Variants in NFXL1 observed in about 807,000 individuals in gnomAD.
The protein encoded by NFXL1 is NF-X1-type zinc finger protein NFXL1.
In NFXL1, 66 loss-of-function variants were observed where a neutral mutation model predicts 123.3. The ratio of observed to expected loss-of-function variants is 0.54; its 90% CI spans 0.44 to 0.66. The LOEUF (loss-of-function observed/expected upper bound fraction) is 0.66. Among genes scored for constraint, NFXL1 ranks in the 30% least tolerant of loss-of-function variants. NFXL1 has a pLI of 0.00. For synonymous variants in NFXL1, 346 were observed against 360.8 expected (o/e 0.96, Z 0.46); for missense variants, 944 against 1,125.6 (o/e 0.84, Z 2.31).
chr4:47,854,226 A>C (rs1243566954), intron 20 of NFXL1, among the ~76,000 whole-genome samples: 3 of 152,094 alleles, frequency 2.0e-5, no homozygotes, highest in Non-Finnish European at 4.4e-5. Context: ...TCCTCAATAC[A>C]TATCCATCAC....
In NFXL1 at chr4:47,874,466, T is replaced by A. The variant is rs368630904; in HGVS notation, c.2246+661A>T. On this transcript the variant is annotated intron_variant, in intron 18 of 22. Coordinates refer to ENST00000507489, the MANE Select transcript of NFXL1 (RefSeq NM_001278624.2). ...AGAGGTAGAGAGATAGGGGAACTGCTAGTGATGCAGTTCAATCACACACAA... is the reference window on the plus strand; with the variant it reads ...AGAGGTAGAGAGATAGGGGAACTGCAAGTGATGCAGTTCAATCACACACAA... Among the ~76,000 whole-genome samples the A allele has an allele frequency of 7.9e-5, 12 of 152,298 alleles. No individual in the cohort carries two copies. In the East Asian group the frequency reaches 2.1e-3, roughly 27 times the overall value.
In NFXL1 at chr4:47,896,579, C is replaced by T. The variant is rs778334116; in HGVS notation, c.1273G>A (p.Gly425Arg). Residue 425 changes from glycine to arginine, a missense_variant, in exon 10 of 23, where the codon GGA (glycine) becomes AGA (arginine). Physicochemically the swap from Gly to Arg is moderately radical, Grantham distance 125. Coordinates refer to ENST00000507489, the MANE Select transcript of NFXL1 (RefSeq NM_001278624.2). ...CAACGCTGTGAACATCTATGGATTC[C>T]GCATTCAAGTACTTTGTCACAACTG... ...GDSCDKVLEC[G>R]IHRCSQRCHR... The T allele has an allele frequency of 4.3e-6, 7 of 1,612,666 alleles. No individual in the cohort carries two copies. The highest frequency in any genetic ancestry group is 3.3e-5 in the South Asian group (3 of 91,044).
intron 15 of NFXL1, 41 bp from the exon 16 acceptor site, chr4:47,879,158 T>C: frequency 1.1e-6 from 1 of 892,642 alleles, no homozygotes; most frequent in Non-Finnish European, 1.7e-6. Context: ...CATTACAAAT[T>C]ATTCAAAAAT....
At position 47,914,583 on chromosome 4, in the gene NFXL1, T is replaced by G; in HGVS notation, c.-221A>C. 5.2e-6 allele frequency: 1 copy of G among 193,154 alleles called. No individual in the cohort carries two copies. The highest frequency in any genetic ancestry group is 6.0e-5 in the Admixed American group (1 of 16,654). 12.0% of individuals were successfully genotyped at this position (193,154 alleles called of 1,614,324 possible). A position where few individuals can be genotyped will look rare whatever the true frequency, so the allele number is the denominator to read the frequency against. ...TCCCGCCGGGAACCAACTGCAGTGG[T>G]ACACCCCACGGAAAGCTACGTCTCC... On this transcript the variant is annotated 5_prime_UTR_variant, in exon 1 of 23. Transcript: ENST00000507489.
At chr4:47,852,673 T>C (rs1408178133) in intron 20 of NFXL1, among the ~76,000 whole-genome samples, 4 of 152,096 alleles carry the variant, frequency 2.6e-5, no homozygotes, top group Non-Finnish European at 5.9e-5. Flanking sequence ...TATGACCAAT[T>C]TCTGTACTAC....
intron 15 of NFXL1, among the ~76,000 whole-genome samples, chr4:47,879,582 G>T (rs1039433591): frequency 6.6e-6 from 1 of 152,040 alleles, no homozygotes; most frequent in Non-Finnish European, 1.5e-5. Context: ...TGATTCTAAA[G>T]TCTATATAGA....
intron 15 of NFXL1, among the ~76,000 whole-genome samples, chr4:47,881,756 T>C (rs1027405027): frequency 2.6e-5 from 4 of 152,226 alleles, no homozygotes; most frequent in Admixed American, 2.0e-4. Context: ...TAAAACCATA[T>C]TGCTAAGTGA....
chr4:47,905,581 A>T (rs1737532192), intron 3 of NFXL1, among the ~76,000 whole-genome samples: 1 of 152,130 alleles, frequency 6.6e-6, no homozygotes, highest in African/African-American at 2.4e-5. Flanking sequence ...TCTCTCTCTC[A>T]GTTATACTTG....
At chr4:47,907,000 T>C (rs779858184) in intron 3 of NFXL1, among the ~76,000 whole-genome samples, 11 of 152,242 alleles carry the variant, frequency 7.2e-5, no homozygotes, top group South Asian at 2.1e-4. Flanking sequence ...AGTTACCTAA[T>C]GTGTCTCAGT....
chr4:47,886,640 T>A (rs4695299), intron 12 of NFXL1, among the ~76,000 whole-genome samples: 125,217 of 151,638 alleles, frequency 0.83, 51,914 homozygotes, highest in East Asian at 0.98. Context: ...AAATGCTGGG[T>A]GTACAGGCGT....
rs1341163107 is a variant in NFXL1 at position 47,878,616 on chromosome 4, A to G, written c.1988T>C (p.Val663Ala). Reference protein sequence around the residue: ...HAVGPYSCKRVCGRILDCQNH... With the variant: ...HAVGPYSCKRACGRILDCQNH... ...CTGACAATCCAAGATTCTTCCACAA[A>G]CTCTTTTACAAGAGTAGGGTCCTAC... is the stretch of plus-strand genomic sequence containing the variant. Residue 663 changes from valine (V) to alanine (A), a missense_variant, in exon 17 of 23, where the codon GTT (valine) becomes GCT (alanine). Physicochemically the swap from Val to Ala is moderately conservative, Grantham distance 64 (BLOSUM62 0). Coordinates refer to ENST00000507489, the MANE Select transcript of NFXL1 (RefSeq NM_001278624.2). 3 of 1,606,488 alleles carry G rather than the reference A, an allele frequency of 1.9e-6. No homozygotes were observed. Among genetic ancestry groups the G allele is most frequent in the Non-Finnish European group, 2.6e-6 (3 of 1,176,404 alleles).
chr4:47,901,911 G>A (rs187709353), intron 5 of NFXL1, among the ~76,000 whole-genome samples: 336 of 152,354 alleles, frequency 2.2e-3, no homozygotes, highest in Non-Finnish European at 3.9e-3. Context: ...GCCAGACGCA[G>A]TGGCTCATGC....
At chr4:47,877,235 T>A (rs1269514186) in intron 17 of NFXL1, 1 of 451,304 alleles carries the variant, frequency 2.2e-6, no homozygotes, top group Non-Finnish European at 4.5e-6. Context: ...TCCTTCCAGC[T>A]ATGGCAGAAA....
rs2110016156 is a variant in NFXL1, at chr4:47,847,575, C to A, written c.*588G>T. The A allele has an allele frequency of 6.6e-6, 1 of 152,470 alleles. No homozygotes were observed. Among genetic ancestry groups the A allele is most frequent in the East Asian group, 1.9e-4 (1 of 5,194 alleles). The allele number at this position is 152,470 out of a possible 1,614,324, so 9.4% of individuals were successfully genotyped here. A position where few individuals can be genotyped will look rare whatever the true frequency, so the allele number is the denominator to read the frequency against. On this transcript the variant is annotated 3_prime_UTR_variant, in exon 23 of 23. Transcript: ENST00000507489. ...AAATAGCCACATGTGAGGAATCTAGCCTGGCATTTGTTGAAAATAACTATA... is the reference window on the plus strand; with the variant it reads ...AAATAGCCACATGTGAGGAATCTAGACTGGCATTTGTTGAAAATAACTATA...
At chr4:47,857,459 C>T (rs897784828) in intron 19 of NFXL1, among the ~76,000 whole-genome samples, 11 of 152,108 alleles carry the variant, frequency 7.2e-5, no homozygotes, top group African/African-American at 2.4e-4. Flanking sequence ...TATTCTGTTG[C>T]GCTGGGGGTT....
rs768012646 is a variant in NFXL1 at position 47,897,961 on chromosome 4, T to A, written c.1204+6A>T. ...CTATATAAATATAAAAAAAAACAAGTCTTACTTGATTTCTGACATGGACAG... is the reference window on the plus strand; with the variant it reads ...CTATATAAATATAAAAAAAAACAAGACTTACTTGATTTCTGACATGGACAG... On this transcript the variant is annotated splice_donor_region_variant and intron_variant, in intron 9 of 22. Transcript: ENST00000507489. 196 of 1,534,622 alleles carry A rather than the reference T, an allele frequency of 1.3e-4. 1 individual carries two copies. The East Asian group carries it at 4.4e-3, about 34-fold the overall frequency.
chr4:47,850,989 C>A, intron 22 of NFXL1, 106 bp downstream of exon 22: 1 of 795,118 alleles, frequency 1.3e-6, no homozygotes. Flanking sequence ...ATTTTCAGTT[C>A]ACAATAGAGA....
chr4:47,872,256 G>A (rs1260315588), intron 18 of NFXL1, among the ~76,000 whole-genome samples: 1 of 152,166 alleles, frequency 6.6e-6, no homozygotes, highest in East Asian at 1.9e-4. Context: ...GAGGTCAGGA[G>A]TTTGAGACCA....
intron 22 of NFXL1, 109 bp from the exon 23 acceptor site, chr4:47,848,445 A>T: frequency 3.9e-6 from 3 of 766,958 alleles, no homozygotes; most frequent in Non-Finnish European, 6.1e-6. Context: ...AATGATATAT[A>T]GTCAATATAT....
Sources: gnomAD v4.1 joint callset for allele counts (sites outside exome capture counted in the v4.1 genomes callset) on GRCh38, gnomAD v4.1.1 for gene constraint, MANE v1.5 for transcripts, NCBI Gene and HGNC (gene_info 2026-07-23, HGNC 2026-07-21) for gene names.